YPEL2: variants seen among roughly 807,000 people sequenced by gnomAD.
The protein encoded by YPEL2 is protein yippee-like 2.
Under a neutral mutation model 19.1 loss-of-function variants are expected in YPEL2, and 2 were observed. The observed-to-expected ratio is 0.10, with a 90% CI of 0.04 to 0.33. YPEL2 has a LOEUF of 0.33. Among genes scored for constraint, YPEL2 ranks in the 10% least tolerant of loss-of-function variants. The probability of loss-of-function intolerance (pLI) is 1.00; values close to 1 mark genes in which losing one functional copy is unlikely to be tolerated. For missense variants in YPEL2, 66 were observed against 140.7 expected (o/e 0.47, Z 2.68); for synonymous variants, 52 against 50.0 (o/e 1.04, Z -0.17).
intron 4 of YPEL2, among the ~76,000 whole-genome samples, chr17:59,390,345 T>C (rs2048001559): frequency 6.6e-6 from 1 of 152,126 alleles, no homozygotes; most frequent in African/African-American, 2.4e-5. Flanking sequence ...TCTCACTGTG[T>C]TGCTCAGGCT....
chr17:59,371,302 C>G lies in YPEL2; in HGVS notation c.118-17025C>G, dbSNP rs1273230992. 2.0e-5 allele frequency among the ~76,000 whole-genome samples: 3 copies of G among 152,202 alleles called. No individual in the cohort carries two copies. The East Asian group carries it at 5.8e-4, about 29-fold the overall frequency. ...CTGAGCAGACCCCTTTGTCTGCAGG[C>G]ATAGTGGGCTCTGCAGCTCCCCAGT... On this transcript the variant is annotated intron_variant, in intron 2 of 4. Coordinates refer to ENST00000312655, the MANE Select transcript of YPEL2 (RefSeq NM_001005404.4).
In YPEL2 at chr17:59,383,370, G is replaced by A. The variant is rs569870554; in HGVS notation, c.118-4957G>A. Reference sequence around the variant, plus strand: ...TCGCAGCACTTTGGGAGGCCAAGGCGGGTGGATCATGAGGTCAGGAGATTG... The same window carrying A: ...TCGCAGCACTTTGGGAGGCCAAGGCAGGTGGATCATGAGGTCAGGAGATTG... On this transcript the variant is annotated intron_variant, in intron 2 of 4. Transcript: ENST00000312655. Among the ~76,000 whole-genome samples the A allele has an allele frequency of 3.4e-3, 512 of 150,550 alleles. 6 individuals are homozygous for A. The highest frequency in any genetic ancestry group is 5.9e-3 in the Non-Finnish European group (400 of 67,676).
chr17:59,344,875 C>G (rs1190850839), intron 1 of YPEL2, among the ~76,000 whole-genome samples: 2 of 152,224 alleles, frequency 1.3e-5, no homozygotes, highest in Admixed American at 6.5e-5. Context: ...GGCTCTGTAG[C>G]TCTTCCATCC....
chr17:59,368,244 C>T (rs532426491), intron 2 of YPEL2, among the ~76,000 whole-genome samples: 4 of 152,130 alleles, frequency 2.6e-5, no homozygotes, highest in Admixed American at 6.5e-5. Context: ...CCACCATGTC[C>T]GGCTAATTTT....
intron 2 of YPEL2, among the ~76,000 whole-genome samples, chr17:59,372,302 G>A (rs1216415601): frequency 6.6e-6 from 1 of 152,226 alleles, no homozygotes; most frequent in Non-Finnish European, 1.5e-5. Context: ...CTTGGCAGAT[G>A]GCTGATAGCA....
chr17:59,366,247 G>A (rs184589375), intron 2 of YPEL2: 3 of 154,186 alleles, frequency 1.9e-5, no homozygotes, highest in Admixed American at 6.5e-5. Context: ...CTCCTCTTAC[G>A]TGTTAGACCC....
At chr17:59,387,743 A>G (rs1048744278) in intron 2 of YPEL2, among the ~76,000 whole-genome samples, 7 of 152,248 alleles carry the variant, frequency 4.6e-5, no homozygotes, top group Non-Finnish European at 1.0e-4. Context: ...AGTTGCTTAC[A>G]TCTCAAAAGA....
chr17:59,362,981 AG>A (rs1437437813), intron 2 of YPEL2: 2 of 152,206 alleles, frequency 1.3e-5, no homozygotes, highest in Admixed American at 1.3e-4. Flanking sequence ...CTGCACTTAA[AG>A]AGCCTGTGAT....
intron 4 of YPEL2, among the ~76,000 whole-genome samples, chr17:59,393,302 A>ATT (rs149834838): frequency 2.2e-5 from 3 of 135,328 alleles, no homozygotes; most frequent in East Asian, 2.2e-4. Context: ...TGATTTTTGT[A>ATT]TTTTTTTTTT....
intron 2 of YPEL2, among the ~76,000 whole-genome samples, chr17:59,374,853 A>T (rs1033381457): frequency 6.6e-6 from 1 of 152,218 alleles, no homozygotes; most frequent in African/African-American, 2.4e-5. Flanking sequence ...AACTGAACCT[A>T]GTCAGTTTAT....
At chr17:59,340,113 T>C (rs2047720464) in intron 1 of YPEL2, among the ~76,000 whole-genome samples, 2 of 151,946 alleles carry the variant, frequency 1.3e-5, no homozygotes, top group Non-Finnish European at 1.5e-5. Flanking sequence ...GTGGAACTTT[T>C]TTTTTTTTTT....
chr17:59,388,397 T>C (rs1250471584), intron 3 of YPEL2, 27 bp downstream of exon 3: 1 of 1,611,502 alleles, frequency 6.2e-7, no homozygotes, highest in Non-Finnish European at 8.5e-7. Context: ...GGTACATTCC[T>C]TGTGGGGTAC....
Position 59,383,426 on chromosome 17 carries a change from G to A in YPEL2, c.118-4901G>A, listed in dbSNP as rs565788314. ...ATCCTGGCTAACACGGTGAAACCCC[G>A]TGTCCACTAAAAATACAAAAAATTA... is the stretch of plus-strand genomic sequence containing the variant. On this transcript the variant is annotated intron_variant, in intron 2 of 4. Coordinates refer to ENST00000312655, the MANE Select transcript of YPEL2 (RefSeq NM_001005404.4). Among the ~76,000 whole-genome samples the A allele has an allele frequency of 4.3e-4, 65 of 150,252 alleles. 5 individuals carry two copies. In the South Asian group the frequency reaches 0.013, roughly 29 times the overall value.
intron 2 of YPEL2, among the ~76,000 whole-genome samples, chr17:59,358,071 C>G (rs1475879684): frequency 1.3e-5 from 2 of 152,174 alleles, no homozygotes; most frequent in Non-Finnish European, 2.9e-5. Context: ...TCAAGCCTCT[C>G]TTCATGAGGA....
intron 1 of YPEL2, among the ~76,000 whole-genome samples, chr17:59,344,804 C>T (rs976840421): frequency 1.4e-4 from 21 of 152,240 alleles, no homozygotes; most frequent in African/African-American, 1.7e-4. Flanking sequence ...GGAGACTGCC[C>T]GTATTTTTGT....
intron 1 of YPEL2, among the ~76,000 whole-genome samples, chr17:59,341,200 G>A (rs112080845): frequency 4.7e-4 from 71 of 151,562 alleles, no homozygotes; most frequent in African/African-American, 1.6e-3. Context: ...AGACCATCCT[G>A]ACTAACAAGG....
intron 2 of YPEL2, among the ~76,000 whole-genome samples, chr17:59,364,788 A>G (rs969444100): frequency 2.7e-4 from 41 of 151,746 alleles, no homozygotes; most frequent in Non-Finnish European, 5.2e-4. Flanking sequence ...CTATTTATTT[A>G]TTTATTTGTT....
intron 1 of YPEL2, among the ~76,000 whole-genome samples, chr17:59,336,454 T>C (rs569681575): frequency 9.2e-5 from 14 of 152,228 alleles, no homozygotes; most frequent in South Asian, 2.1e-4. Flanking sequence ...GGAGGCACTA[T>C]ATGTGGGGCT....
intron 1 of YPEL2, among the ~76,000 whole-genome samples, chr17:59,341,659 A>G (rs2047731695): frequency 6.6e-6 from 1 of 151,990 alleles, no homozygotes; most frequent in Non-Finnish European, 1.5e-5. Flanking sequence ...ACAACGTCTC[A>G]GGAAAAAAAA....
Sources: allele counts gnomAD v4.1 joint callset (sites outside exome capture counted in the v4.1 genomes callset), GRCh38; gene constraint gnomAD v4.1.1; transcripts MANE v1.5; gene names NCBI Gene and HGNC (gene_info 2026-07-23, HGNC 2026-07-21).